Variants in HIBCH observed in about 807,000 individuals in gnomAD.
The protein encoded by HIBCH is 3-hydroxyisobutyryl-CoA hydrolase, mitochondrial.
In HIBCH, 50 loss-of-function variants were observed where a neutral mutation model predicts 58.2. The observed-to-expected ratio is 0.86, with a 90% CI of 0.68 to 1.09. HIBCH has a LOEUF of 1.09. HIBCH is among the 50% of genes least tolerant of loss of function. The pLI, the probability that HIBCH is intolerant of heterozygous loss-of-function variation, is 0.00. For missense variants in HIBCH, 450 were observed against 449.7 expected (o/e 1.00, Z -0.01); for synonymous variants, 151 against 146.9 (o/e 1.03, Z -0.20).
intron 8 of HIBCH, chr2:190,250,368 C>T (rs1389558575): frequency 4.3e-6 from 2 of 469,578 alleles, no homozygotes; most frequent in Non-Finnish European, 8.8e-6. Context: ...ATTGTTTTTA[C>T]ACTTACCATA....
chr2:190,230,293 G>GA (rs971369681), intron 11 of HIBCH, among the ~76,000 whole-genome samples: 11 of 151,292 alleles, frequency 7.3e-5, no homozygotes, highest in Admixed American at 1.3e-4. Flanking sequence ...AAGAGAGAGA[G>GA]AAAAAAAACA....
chr2:190,190,859 C>T (rs746551898), intron 1 of HIBCH, among the ~76,000 whole-genome samples: 16 of 152,142 alleles, frequency 1.1e-4, no homozygotes, highest in Non-Finnish European at 1.9e-4. Context: ...TTTGTTACAG[C>T]CACCACCACA....
chr2:190,214,413 A>AC lies in HIBCH; in HGVS notation c.892-1339dup. On this transcript the variant is annotated intron_variant, in intron 11 of 13. Transcript: ENST00000359678. The surrounding 1 kb of genome is among the most constrained non-coding windows in gnomAD (Gnocchi z 5.5). ...ACAAAGGAAAGAGCGAACTAAAAAG[A>AC]CCCCCTCTGACATTCTCCCAGATAG... 6.6e-6 allele frequency: 1 copy of AC among 151,792 alleles called. No individual in the cohort carries two copies. Among genetic ancestry groups the AC allele is most frequent in the Non-Finnish European group, 1.5e-5 (1 of 67,970 alleles). 9.4% of individuals were successfully genotyped at this position (151,792 alleles called of 1,614,324 possible).
intron 1 of HIBCH, among the ~76,000 whole-genome samples, chr2:190,194,477 T>TACACACACACACACAC (rs3083429): frequency 1.8e-4 from 25 of 141,476 alleles, no homozygotes; most frequent in Middle Eastern, 3.6e-3. Flanking sequence ...ATCCTGTGTA[T>TACACACACACACACAC]ACACACACAC....
intron 3 of HIBCH, among the ~76,000 whole-genome samples, chr2:190,295,446 G>A (rs532994664): frequency 1.1e-3 from 168 of 152,356 alleles, no homozygotes; most frequent in African/African-American, 3.8e-3. Flanking sequence ...TAAACAGTGT[G>A]TTGTGCACTT....
At chr2:190,244,423 G>C (rs796246760) in intron 11 of HIBCH, among the ~76,000 whole-genome samples, 4 of 152,114 alleles carry the variant, frequency 2.6e-5, no homozygotes, top group African/African-American at 9.7e-5. Flanking sequence ...GCAAGAGATA[G>C]AGTCTCTTGC....
Position 190,224,129 on chromosome 2 carries a change from T to A in HIBCH, c.892-11054A>T, listed in dbSNP as rs149923459. Among the ~76,000 whole-genome samples the A allele has an allele frequency of 6.7e-3, 1,015 of 152,206 alleles. 12 individuals are homozygous for A. The highest frequency in any genetic ancestry group is 0.022 in the African/African-American group (922 of 41,524). ...TATATCCTGCACCTGGCTCAGAGGG[T>A]CCCATGCCCACGGAGCCTCACTCAC... On this transcript the variant is annotated intron_variant, in intron 11 of 13. Transcript: ENST00000359678.
chr2:190,199,892 C>T (rs781765566), downstream of HIBCH: 16 of 1,613,888 alleles, frequency 9.9e-6, no homozygotes, highest in Non-Finnish European at 1.2e-5. Context: ...CAAACTTTCC[C>T]ATTTCCTACC....
rs190929867 is a variant in HIBCH, at chr2:190,209,564, C to T, written c.1012-651G>A. 6.8e-4 allele frequency among the ~76,000 whole-genome samples: 103 copies of T among 152,176 alleles called. 1 individual carries two copies. Among genetic ancestry groups the T allele is most frequent in the Non-Finnish European group, 1.4e-3 (92 of 68,018 alleles). On this transcript the variant is annotated intron_variant, in intron 12 of 13. Coordinates refer to ENST00000359678, the MANE Select transcript of HIBCH (RefSeq NM_014362.4). This position sits in a 1 kb window ranked among gnomAD's most constrained non-coding sequence, Gnocchi z 5.6. ...TTAACCTCTGACTTCTTTAAAAATA[C>T]GAGAAGCTCTTAGATATGAAGTCTT...
intron 7 of HIBCH, among the ~76,000 whole-genome samples, chr2:190,259,344 TGTG>T: frequency 6.7e-6 from 1 of 150,184 alleles, no homozygotes; most frequent in African/African-American, 2.4e-5. Flanking sequence ...TGTGTGTGTG[TGTG>T]TGTGTGTGTG....
intron 11 of HIBCH, among the ~76,000 whole-genome samples, chr2:190,239,647 GTTTTT>G (rs60949644): frequency 7.8e-6 from 1 of 127,542 alleles, no homozygotes; most frequent in Non-Finnish European, 1.6e-5. Context: ...GTGGTTTGTA[GTTTTT>G]TTTTTTTTTT....
At chr2:190,208,778 G>T (rs759979494) in intron 13 of HIBCH, 102 bp downstream of exon 13, 9 of 997,282 alleles carry the variant, frequency 9.0e-6, no homozygotes, top group Non-Finnish European at 1.4e-5. Context: ...GTACATTTTG[G>T]ATTTTAGGAT....
chr2:190,274,050 C>T (rs1044626034), intron 6 of HIBCH, among the ~76,000 whole-genome samples: 1 of 152,184 alleles, frequency 6.6e-6, no homozygotes, highest in African/African-American at 2.4e-5. Context: ...GACTCTCCCA[C>T]GCTGGCCTCC....
intron 4 of HIBCH, among the ~76,000 whole-genome samples, chr2:190,294,022 G>GTATGTATATATATATATATA (rs1688036666): frequency 4.8e-5 from 4 of 83,018 alleles, no homozygotes; most frequent in African/African-American, 1.7e-4. Flanking sequence ...TATTTTGTGT[G>GTATGTATATATATATATATA]TATATATATA....
At chr2:190,199,430 G>A (rs1233541643), downstream of HIBCH, among the ~76,000 whole-genome samples, 1 of 144,376 alleles carries the variant, frequency 6.9e-6, no homozygotes, top group Non-Finnish European at 1.5e-5. Flanking sequence ...GAATTGTTTT[G>A]GTATAGATAA....
chr2:190,266,557 C>T (rs183385915), intron 6 of HIBCH, among the ~76,000 whole-genome samples: 57 of 152,088 alleles, frequency 3.7e-4, no homozygotes, highest in African/African-American at 1.3e-3. Context: ...CCTCGGCCTC[C>T]GGAGTAGCTG....
chr2:190,249,804 T>C (rs571042412), intron 8 of HIBCH, 78 bp from the exon 9 acceptor site: 1 of 913,378 alleles, frequency 1.1e-6, no homozygotes, highest in East Asian at 2.6e-5. Flanking sequence ...TCTCATCTTC[T>C]TTTTTAGAAT....
intron 1 of HIBCH, among the ~76,000 whole-genome samples, chr2:190,313,506 TA>T (rs1688611753): frequency 6.6e-6 from 1 of 152,130 alleles, no homozygotes; most frequent in African/African-American, 2.4e-5. Context: ...GCCTTGCTGA[TA>T]AATCTTTTGC....
rs868560506 is a variant in HIBCH at position 190,207,970 on chromosome 2, T to C, written c.1045+910A>G. 7.9e-5 allele frequency among the ~76,000 whole-genome samples: 12 copies of C among 152,282 alleles called. No individual in the cohort carries two copies. The Middle Eastern group carries it at 0.01, about 129-fold the overall frequency. On this transcript the variant is annotated intron_variant, in intron 13 of 13. Coordinates refer to ENST00000359678, the MANE Select transcript of HIBCH (RefSeq NM_014362.4). The surrounding 1 kb of genome is among the most constrained non-coding windows in gnomAD (Gnocchi z 4.5). ...TTAATAAAAACAGGAACATTAGATATGCAAAATACATGCAGAGGGAACAAC... is the reference window on the plus strand; with the variant it reads ...TTAATAAAAACAGGAACATTAGATACGCAAAATACATGCAGAGGGAACAAC...
Sources: allele counts gnomAD v4.1 joint callset (sites outside exome capture counted in the v4.1 genomes callset), GRCh38; gene constraint gnomAD v4.1.1; non-coding constraint Gnocchi (gnomAD v3.1); transcripts MANE v1.5; gene names NCBI Gene and HGNC (gene_info 2026-07-23, HGNC 2026-07-21).